Variants in RIMS1 observed in about 807,000 individuals in gnomAD.
The protein encoded by RIMS1 is regulating synaptic membrane exocytosis protein 1.
In RIMS1, 83 loss-of-function variants were observed where a neutral mutation model predicts 214.1. The observed-to-expected ratio is 0.39, with a 90% CI of 0.32 to 0.47. The LOEUF is 0.47. RIMS1 is among the 20% of genes least tolerant of loss of function. The probability of loss-of-function intolerance (pLI) is 0.99; values close to 1 mark genes in which losing one functional copy is unlikely to be tolerated. For synonymous variants in RIMS1, 793 were observed against 786.8 expected (o/e 1.01, Z -0.13); for missense variants, 2,050 against 2,161.8 (o/e 0.95, Z 1.03).
intron 28 of RIMS1, among the ~76,000 whole-genome samples, chr6:72,314,889 CT>C (rs1303470547): frequency 5.9e-5 from 9 of 152,056 alleles, no homozygotes; most frequent in African/African-American, 1.9e-4. Flanking sequence ...TTTGTATTCA[CT>C]GTAGAGCCAA....
At chr6:72,266,400 C>T (rs962909153) in intron 22 of RIMS1, 8 of 312,536 alleles carry the variant, frequency 2.6e-5, no homozygotes, top group Admixed American at 8.8e-5. Flanking sequence ...GTGAATTATC[C>T]GAAGGGGAGG....
At position 71,886,680 on chromosome 6, in the gene RIMS1, G is replaced by A; in HGVS notation, c.-344G>A. 1 of 151,536 alleles carries A rather than the reference G, an allele frequency of 6.6e-6. No homozygotes were observed. Among genetic ancestry groups the A allele is most frequent in the South Asian group, 1.8e-4 (1 of 5,666 alleles). 9.4% of individuals were successfully genotyped at this position (151,536 alleles called of 1,614,324 possible). A position where few individuals can be genotyped will look rare whatever the true frequency, so the allele number is the denominator to read the frequency against. ...GGAGACGCCCGGATCGGCGGAGCCT[G>A]GCGCGAGCCCTCGCCCCCTCGCCTC... On this transcript the variant is annotated 5_prime_UTR_variant, in exon 1 of 34. Transcript: ENST00000521978.
chr6:72,260,683 A>G (rs938358888), intron 18 of RIMS1, 22 bp from the exon 19 acceptor site: 2 of 1,611,436 alleles, frequency 1.2e-6, no homozygotes, highest in Non-Finnish European at 1.7e-6. Flanking sequence ...TGTTTCACTC[A>G]CCACCCATCC....
rs545423006 is a variant in RIMS1 at position 71,932,231 on chromosome 6, C to T, written c.165-36752C>T. 7.2e-5 allele frequency among the ~76,000 whole-genome samples: 11 copies of T among 152,184 alleles called. No individual in the cohort carries two copies. In the East Asian group the frequency reaches 9.6e-4, roughly 13 times the overall value. Reference sequence around the variant, plus strand: ...CAAAGACATATAATCAACTTAAATGCCCATCAGTGATAGACTGGCTAAAGA... The same window carrying T: ...CAAAGACATATAATCAACTTAAATGTCCATCAGTGATAGACTGGCTAAAGA... On this transcript the variant is annotated intron_variant, in intron 1 of 33. Coordinates refer to ENST00000521978, the MANE Select transcript of RIMS1 (RefSeq NM_014989.7).
At chr6:72,137,017 T>G (rs2041395185) in intron 4 of RIMS1, among the ~76,000 whole-genome samples, 1 of 151,950 alleles carries the variant, frequency 6.6e-6, no homozygotes, top group Non-Finnish European at 1.5e-5. Context: ...GGCAATAAAA[T>G]AAAATAACTA....
At chr6:72,088,212 A>AC (rs1835168089) in intron 2 of RIMS1, among the ~76,000 whole-genome samples, 2 of 145,372 alleles carry the variant, frequency 1.4e-5, no homozygotes, top group South Asian at 2.2e-4. Flanking sequence ...TATTTTATTT[A>AC]TTTACTTTAT....
chr6:72,211,040 T>G (rs1344923596), intron 6 of RIMS1, among the ~76,000 whole-genome samples: 1 of 152,216 alleles, frequency 6.6e-6, no homozygotes, highest in African/African-American at 2.4e-5. Flanking sequence ...TGAAAACCTC[T>G]CAGAGGAGGT....
intron 6 of RIMS1, among the ~76,000 whole-genome samples, chr6:72,225,643 C>T (rs1245649982): frequency 6.6e-6 from 1 of 152,106 alleles, no homozygotes. Flanking sequence ...CAATTTTTTC[C>T]ACAGGGTTTC....
At chr6:72,053,686 A>G (rs1246209640) in intron 2 of RIMS1, among the ~76,000 whole-genome samples, 2 of 152,202 alleles carry the variant, frequency 1.3e-5, no homozygotes, top group African/African-American at 4.8e-5. Context: ...TGGTATTGGA[A>G]TAGAAAAGAA....
At position 72,094,139 on chromosome 6, in the gene RIMS1, A is replaced by C. The variant is rs568163689; in HGVS notation, c.246-2810A>C. Among the ~76,000 whole-genome samples, 6 of 101,124 alleles carry C rather than the reference A, an allele frequency of 5.9e-5. No individual in the cohort carries two copies. The Admixed American group carries it at 6.4e-4, about 11-fold the overall frequency. The allele number at this position is 101,124 out of a possible 152,430, so 66.3% of individuals were successfully genotyped here. On this transcript the variant is annotated intron_variant, in intron 2 of 33. Coordinates refer to ENST00000521978, the MANE Select transcript of RIMS1 (RefSeq NM_014989.7). ...TGTATGGACTTTTTTCTCAAAACAG[A>C]CTAATTTATACCTATATGTATAAAT...
At chr6:71,946,157 G>T (rs530521281) in intron 1 of RIMS1, among the ~76,000 whole-genome samples, 3 of 152,298 alleles carry the variant, frequency 2.0e-5, no homozygotes, top group Non-Finnish European at 4.4e-5. Flanking sequence ...ATTAATCTAT[G>T]AAATTGAAGA....
intron 1 of RIMS1, among the ~76,000 whole-genome samples, chr6:71,928,801 A>C (rs1782252045): frequency 6.6e-6 from 1 of 152,134 alleles, no homozygotes; most frequent in Non-Finnish European, 1.5e-5. Flanking sequence ...ACCTGGGCTT[A>C]GTAGAGTCAT....
intron 1 of RIMS1, among the ~76,000 whole-genome samples, chr6:71,961,456 G>A (rs533184962): frequency 9.9e-5 from 15 of 151,386 alleles, no homozygotes; most frequent in Middle Eastern, 3.4e-3. Flanking sequence ...ACCTAGATTT[G>A]TACCCATAAG....
chr6:72,009,707 A>T (rs1584809823), intron 2 of RIMS1, among the ~76,000 whole-genome samples: 1 of 152,202 alleles, frequency 6.6e-6, no homozygotes, highest in East Asian at 1.9e-4. Context: ...CCACTACGCA[A>T]ATAAACTAGA....
chr6:71,907,368 A>G (rs1273811479), intron 1 of RIMS1, among the ~76,000 whole-genome samples: 1 of 152,204 alleles, frequency 6.6e-6, no homozygotes, highest in Admixed American at 6.5e-5. Context: ...CTCACTGTAT[A>G]AGAATACCTT....
At chr6:72,013,374 A>G (rs1188040775) in intron 2 of RIMS1, among the ~76,000 whole-genome samples, 1 of 152,202 alleles carries the variant, frequency 6.6e-6, no homozygotes, top group East Asian at 1.9e-4. Flanking sequence ...TTATTCACCA[A>G]CCATCTTTTG....
chr6:72,179,698 G>A lies in RIMS1; in HGVS notation c.595G>A (p.Gly199Ser), dbSNP rs2048175138. 1 of 1,613,822 alleles carries A rather than the reference G, an allele frequency of 6.2e-7. No individual in the cohort carries two copies. Among genetic ancestry groups the A allele is most frequent in the African/African-American group, 1.3e-5 (1 of 74,906 alleles). ...TGGAACCCTGAGTGATACAGCTACA[G>A]GTGCTGGCTCTGAGGTACCAAGAGA... ...QDGTLSDTATGAGSEVPREKK... is the reference protein window; with the variant it reads ...QDGTLSDTATSAGSEVPREKK... Residue 199 changes from glycine to serine, a missense_variant, in exon 5 of 34, where the codon GGT (glycine) becomes AGT (serine). By Grantham distance (56) the Gly-to-Ser change is moderately conservative. This residue lies in a region of RIMS1 where 882 missense variants were observed against 828.9 expected (regional missense o/e 1.06). Transcript: ENST00000521978.
intron 1 of RIMS1, among the ~76,000 whole-genome samples, chr6:71,946,200 A>G (rs964442076): frequency 4.6e-5 from 7 of 152,254 alleles, no homozygotes; most frequent in Non-Finnish European, 1.0e-4. Context: ...ACCTGTGTTC[A>G]TGGGTTGGAA....
chr6:71,973,791 A>C (rs1796474914), intron 2 of RIMS1, among the ~76,000 whole-genome samples: 1 of 152,188 alleles, frequency 6.6e-6, no homozygotes, highest in East Asian at 1.9e-4. Flanking sequence ...GGCCAATAGG[A>C]AGCTGGGAGC....
Sources: gnomAD v4.1 joint callset for allele counts (sites outside exome capture counted in the v4.1 genomes callset) on GRCh38, gnomAD v4.1.1 for gene constraint, gnomAD v4.1.1 regional missense constraint, MANE v1.5 for transcripts, NCBI Gene and HGNC (gene_info 2026-07-23, HGNC 2026-07-21) for gene names.